The following PPA1 variants were observed in gnomAD, a reference collection of about 807,000 sequenced individuals.
PPA1 encodes the protein inorganic pyrophosphatase 1, also known as inorganic pyrophosphatase.
Under a neutral mutation model 41.8 loss-of-function variants are expected in PPA1, and 23 were observed. The observed-to-expected ratio is 0.55, with a 90% confidence interval of 0.40 to 0.78. PPA1 has a LOEUF of 0.78. Ranked by LOEUF, PPA1 falls within the 30% of genes least tolerant of loss-of-function variation. The pLI is 0.00. For missense variants in PPA1, 320 were observed against 361.6 expected (o/e 0.89, Z 0.93); for synonymous variants, 101 against 116.8 (o/e 0.86, Z 0.87).
rs1402415185 is a variant in PPA1, at chr10:70,203,154, A to G, written c.*1T>C. 2.5e-6 allele frequency: 4 copies of G among 1,607,614 alleles called. No homozygotes were observed. Among genetic ancestry groups the G allele is most frequent in the Non-Finnish European group, 3.4e-6 (4 of 1,175,338 alleles). ...TCAGCTTGTATTCCAGAGAAATCTC[A>G]TTAGTTTTTCTGGTGATGGAACCAC... On this transcript the variant is annotated 3_prime_UTR_variant, in exon 11 of 11. Coordinates refer to ENST00000373232, the MANE Select transcript of PPA1 (RefSeq NM_021129.4).
chr10:70,214,699 A>C (rs1364182714), intron 4 of PPA1, 113 bp from the exon 5 acceptor site: 5 of 804,856 alleles, frequency 6.2e-6, no homozygotes, highest in Non-Finnish European at 1.9e-6. Flanking sequence ...TCATTGTTTT[A>C]GTTCTTTATT....
At chr10:70,223,264 G>C (rs541619867) in intron 2 of PPA1, among the ~76,000 whole-genome samples, 134 of 151,230 alleles carry the variant, frequency 8.9e-4, no homozygotes, top group Non-Finnish European at 1.5e-3. Flanking sequence ...ATCCAGACTG[G>C]AGTACAGTGA....
At chr10:70,221,074 A>AATT (rs1840159824) in intron 2 of PPA1, among the ~76,000 whole-genome samples, 1 of 20,824 alleles carries the variant, frequency 4.8e-5, no homozygotes, top group African/African-American at 3.2e-4. Context: ...ATATATATAT[A>AATT]TATTTTTTTT....
chr10:70,221,052 T>C (rs1322518594), intron 2 of PPA1, among the ~76,000 whole-genome samples: 1 of 55,122 alleles, frequency 1.8e-5, no homozygotes, highest in African/African-American at 1.3e-4. Flanking sequence ...TATATATATA[T>C]ATAATTTATA....
At chr10:70,218,046 A>G in intron 3 of PPA1, 115 bp from the exon 4 acceptor site, 2 of 970,240 alleles carry the variant, frequency 2.1e-6, no homozygotes, top group Non-Finnish European at 2.9e-6. Context: ...TTAATGATAT[A>G]TTTTATCCCT....
intron 2 of PPA1, among the ~76,000 whole-genome samples, chr10:70,228,153 C>T (rs540005685): frequency 6.6e-6 from 1 of 152,130 alleles, no homozygotes; most frequent in African/African-American, 2.4e-5. Flanking sequence ...TGGGACAGGG[C>T]GTGCCAAGGG....
At chr10:70,223,964 T>A (rs1840202606) in intron 2 of PPA1, among the ~76,000 whole-genome samples, 1 of 152,156 alleles carries the variant, frequency 6.6e-6, no homozygotes, top group Non-Finnish European at 1.5e-5. Context: ...AGCTCTCAGC[T>A]CTCTGTTAAC....
At chr10:70,205,027 C>A in intron 9 of PPA1, 112 bp from the exon 10 acceptor site, 1 of 737,550 alleles carries the variant, frequency 1.4e-6, no homozygotes, top group Non-Finnish European at 2.2e-6. Flanking sequence ...ATTTTAGGAT[C>A]TAAACGTAAT....
chr10:70,230,857 G>T lies in PPA1; in HGVS notation c.65-458C>A, dbSNP rs138584395. Among the ~76,000 whole-genome samples, 953 of 152,292 alleles carry T rather than the reference G, an allele frequency of 6.3e-3. 3 individuals carry two copies. The highest frequency in any genetic ancestry group is 0.011 in the Non-Finnish European group (765 of 68,022). ...TTCACTTCTCCTGACTGTACTCCCA[G>T]GCTAGGCTGGGTTTACATCCTATGC... is the stretch of plus-strand genomic sequence containing the variant. On this transcript the variant is annotated intron_variant, in intron 1 of 10. Coordinates refer to ENST00000373232, the MANE Select transcript of PPA1 (RefSeq NM_021129.4).
At chr10:70,230,833 T>G (rs1039228009) in intron 1 of PPA1, among the ~76,000 whole-genome samples, 2 of 152,208 alleles carry the variant, frequency 1.3e-5, no homozygotes, top group African/African-American at 4.8e-5. Context: ...TTTGTATACT[T>G]CACTTCTCCT....
In PPA1 at chr10:70,233,352, C is replaced by T. The variant is rs1244242806; in HGVS notation, c.-25G>A. The T allele has an allele frequency of 2.0e-6, 3 of 1,532,816 alleles. No individual in the cohort carries two copies. The highest frequency in any genetic ancestry group is 1.8e-6 in the Non-Finnish European group (2 of 1,142,088). 95.0% of individuals were successfully genotyped at this position (1,532,816 alleles called of 1,614,324 possible). ...TAGTGCCGGAGTCCTGCCGCCGCCGCTGCCACAGAGCCACCAGCCCGCACG... is the reference window on the plus strand; with the variant it reads ...TAGTGCCGGAGTCCTGCCGCCGCCGTTGCCACAGAGCCACCAGCCCGCACG... On this transcript the variant is annotated 5_prime_UTR_variant, in exon 1 of 11. Coordinates refer to ENST00000373232, the MANE Select transcript of PPA1 (RefSeq NM_021129.4).
chr10:70,224,194 T>TG (rs58003251), intron 2 of PPA1, among the ~76,000 whole-genome samples: 148,436 of 148,440 alleles, frequency 1, 74,216 homozygotes, highest in Middle Eastern at 1. Context: ...GAGGATTGCT[T>TG]AGACTAGGAG....
Position 70,222,354 on chromosome 10 carries a change from A to AAAAAAG in PPA1, c.124-3543_124-3538dup, listed in dbSNP as rs1564585059. On this transcript the variant is annotated intron_variant, in intron 2 of 10. Coordinates refer to ENST00000373232, the MANE Select transcript of PPA1 (RefSeq NM_021129.4). ...CCGTCTCAAAAAAAAAAAAAAAAAA[A>AAAAAAG]AAAAAGAAATTAGCTGGGCGAAAAA... 2.2e-4 allele frequency among the ~76,000 whole-genome samples: 33 copies of AAAAAAG among 146,800 alleles called. 3 individuals carry two copies. The highest frequency in any genetic ancestry group is 2.1e-4 in the Non-Finnish European group (14 of 66,958).
chr10:70,218,725 A>T (rs760704477), intron 3 of PPA1, 39 bp downstream of exon 3: 9 of 1,526,994 alleles, frequency 5.9e-6, no homozygotes, highest in Non-Finnish European at 8.2e-6. Context: ...ATCAAAACCA[A>T]TATCCTAAGT....
intron 8 of PPA1, among the ~76,000 whole-genome samples, chr10:70,208,685 T>C (rs80102594): frequency 0.016 from 2,362 of 152,248 alleles, 57 homozygotes; most frequent in African/African-American, 0.054. Context: ...TCTCCATTTT[T>C]CTTCTGTTTG....
chr10:70,216,498 A>T (rs1400232032), intron 4 of PPA1, among the ~76,000 whole-genome samples: 3 of 152,030 alleles, frequency 2.0e-5, no homozygotes, highest in Non-Finnish European at 4.4e-5. Context: ...AAAAAAAAAA[A>T]AAAATTTCAA....
chr10:70,212,045 T>TGA (rs983856787), intron 6 of PPA1, among the ~76,000 whole-genome samples: 1 of 152,198 alleles, frequency 6.6e-6, no homozygotes, highest in African/African-American at 2.4e-5. Context: ...GAGGCAGTGT[T>TGA]TGTCAAGTTT....
chr10:70,208,218 C>A (rs544328369), intron 8 of PPA1, among the ~76,000 whole-genome samples: 4 of 152,094 alleles, frequency 2.6e-5, no homozygotes, highest in South Asian at 2.1e-4. Context: ...AAGAAATACA[C>A]CATCAAAATG....
chr10:70,233,127 G>A (rs928664312), intron 1 of PPA1, 137 bp downstream of exon 1: 1 of 987,490 alleles, frequency 1.0e-6, no homozygotes, highest in Non-Finnish European at 1.4e-6. Context: ...GGCCGGCCAG[G>A]CCCCACAACG....
Sources: allele counts gnomAD v4.1 joint callset (sites outside exome capture counted in the v4.1 genomes callset), GRCh38; gene constraint gnomAD v4.1.1; transcripts MANE v1.5; gene names NCBI Gene and HGNC (gene_info 2026-07-23, HGNC 2026-07-21).